Variants in SLC9A9 observed in about 807,000 individuals in gnomAD.
SLC9A9 encodes the protein sodium/hydrogen exchanger 9.
SLC9A9 carries 62 observed loss-of-function variants against 77.8 expected under a neutral mutation model. The ratio of observed to expected loss-of-function variants is 0.80; its 90% CI spans 0.65 to 0.98. SLC9A9 has a LOEUF of 0.98. Ranked by LOEUF, SLC9A9 falls within the 50% of genes least tolerant of loss-of-function variation. The pLI, the probability that SLC9A9 is intolerant of heterozygous loss-of-function variation, is 0.00. For synonymous variants in SLC9A9, 320 were observed against 283.5 expected (o/e 1.13, Z -1.29); for missense variants, 775 against 774.9 (o/e 1.00, Z 0.00).
intron 6 of SLC9A9, among the ~76,000 whole-genome samples, chr3:143,601,187 C>T (rs1423340880): frequency 6.6e-6 from 1 of 152,082 alleles, no homozygotes; most frequent in Non-Finnish European, 1.5e-5. Context: ...CTGAGTACCT[C>T]CTGACAGCCT....
chr3:143,791,203 C>T (rs182906254), intron 4 of SLC9A9, among the ~76,000 whole-genome samples: 27 of 152,270 alleles, frequency 1.8e-4, no homozygotes, highest in African/African-American at 5.3e-4. Flanking sequence ...GAATTCTTTC[C>T]GAGCAATCTA....
chr3:143,572,325 G>GCA (rs2037276224), intron 8 of SLC9A9, among the ~76,000 whole-genome samples: 2 of 151,786 alleles, frequency 1.3e-5, no homozygotes, highest in African/African-American at 4.8e-5. Flanking sequence ...GTGTGTGTGC[G>GCA]CGTGTGTTTA....
chr3:143,522,507 C>G (rs1476503201), intron 9 of SLC9A9, among the ~76,000 whole-genome samples: 3 of 152,076 alleles, frequency 2.0e-5, no homozygotes, highest in Non-Finnish European at 4.4e-5. Flanking sequence ...TCCATTGATT[C>G]TAGAAACTGT....
chr3:143,401,285 C>T (rs1309668429), intron 12 of SLC9A9, among the ~76,000 whole-genome samples: 1 of 152,186 alleles, frequency 6.6e-6, no homozygotes, highest in African/African-American at 2.4e-5. Flanking sequence ...CCCAGCTACC[C>T]TCTCTGGGTT....
intron 4 of SLC9A9, among the ~76,000 whole-genome samples, chr3:143,778,854 T>C (rs922628271): frequency 6.6e-6 from 1 of 152,184 alleles, no homozygotes; most frequent in Admixed American, 6.5e-5. Context: ...AAAAGTATAA[T>C]TTGGGCTGCA....
At chr3:143,641,941 T>C (rs773116793) in intron 6 of SLC9A9, among the ~76,000 whole-genome samples, 27 of 152,226 alleles carry the variant, frequency 1.8e-4, no homozygotes, top group Non-Finnish European at 3.2e-4. Context: ...ACTATTATTG[T>C]CATAGTCATG....
At chr3:143,317,432 G>A (rs995243661) in intron 14 of SLC9A9, among the ~76,000 whole-genome samples, 5 of 152,154 alleles carry the variant, frequency 3.3e-5, no homozygotes, top group African/African-American at 7.2e-5. Context: ...ATGTCTCAGT[G>A]TTACTGAGAT....
chr3:143,748,139 A>G (rs1350174315), intron 4 of SLC9A9, among the ~76,000 whole-genome samples: 2 of 152,224 alleles, frequency 1.3e-5, no homozygotes, highest in African/African-American at 2.4e-5. Flanking sequence ...CTTGATCATT[A>G]TGAACACATA....
intron 1 of SLC9A9, among the ~76,000 whole-genome samples, chr3:143,838,456 A>C (rs1347837216): frequency 6.6e-6 from 1 of 152,130 alleles, no homozygotes; most frequent in Non-Finnish European, 1.5e-5. Flanking sequence ...CTCGAGGAAG[A>C]ATCGAGCGAG....
intron 12 of SLC9A9, among the ~76,000 whole-genome samples, chr3:143,410,427 T>C (rs2034070696): frequency 6.6e-6 from 1 of 152,208 alleles, no homozygotes; most frequent in South Asian, 2.1e-4. Flanking sequence ...CATTCTCTCA[T>C]ATATTAATAA....
intron 5 of SLC9A9, among the ~76,000 whole-genome samples, chr3:143,680,559 TGTAA>T (rs1933054189): frequency 6.6e-6 from 1 of 152,190 alleles, no homozygotes; most frequent in Admixed American, 6.5e-5. Context: ...ATCAAATAGT[TGTAA>T]GTTTTATAGA....
intron 1 of SLC9A9, among the ~76,000 whole-genome samples, chr3:143,843,521 C>T (rs73869042): frequency 0.044 from 6,736 of 152,184 alleles, 479 homozygotes; most frequent in African/African-American, 0.15. Flanking sequence ...AAAATGTAAA[C>T]TTAGTGCCTT....
intron 3 of SLC9A9, among the ~76,000 whole-genome samples, chr3:143,795,895 C>T (rs1347770700): frequency 6.6e-6 from 1 of 152,158 alleles, no homozygotes. Context: ...AACCCCATTC[C>T]AGTTTTTTGA....
At position 143,848,455 on chromosome 3, in the gene SLC9A9, T is replaced by G. The variant is rs1020883942; in HGVS notation, c.-133A>C. ...CACTTTAGTTGCTACTTCACAAGCA[T>G]TCTGCCCTGGCTTAGTATTCAGATG... On this transcript the variant is annotated 5_prime_UTR_variant, in exon 1 of 16. It removes an upstream start codon present in the reference 5' UTR. Coordinates refer to ENST00000316549, the MANE Select transcript of SLC9A9 (RefSeq NM_173653.4). 1 of 1,160,316 alleles carries G rather than the reference T, an allele frequency of 8.6e-7. No homozygotes were observed. The highest frequency in any genetic ancestry group is 1.3e-6 in the Non-Finnish European group (1 of 788,930). 71.9% of individuals were successfully genotyped at this position (1,160,316 alleles called of 1,614,324 possible).
At chr3:143,801,599 C>A (rs1307316563) in intron 2 of SLC9A9, among the ~76,000 whole-genome samples, 1 of 152,156 alleles carries the variant, frequency 6.6e-6, no homozygotes, top group Non-Finnish European at 1.5e-5. Flanking sequence ...ACCCCATTTC[C>A]CCATGTTTCC....
At chr3:143,636,078 A>G (rs898594603) in intron 6 of SLC9A9, among the ~76,000 whole-genome samples, 2 of 152,184 alleles carry the variant, frequency 1.3e-5, no homozygotes, top group Non-Finnish European at 2.9e-5. Flanking sequence ...GTGAGTTTAC[A>G]TTGAAGATAT....
At chr3:143,821,176 A>G (rs958061473) in intron 2 of SLC9A9, among the ~76,000 whole-genome samples, 4 of 152,350 alleles carry the variant, frequency 2.6e-5, no homozygotes, top group Admixed American at 6.5e-5. Context: ...ACCACTTTAA[A>G]TGGTACAATA....
intron 12 of SLC9A9, among the ~76,000 whole-genome samples, chr3:143,410,859 A>G (rs2034083082): frequency 6.6e-6 from 1 of 152,166 alleles, no homozygotes; most frequent in African/African-American, 2.4e-5. Context: ...TACTGACTAG[A>G]TAACATTAAA....
chr3:143,343,919 G>A (rs1333675905), intron 14 of SLC9A9, among the ~76,000 whole-genome samples: 1 of 152,150 alleles, frequency 6.6e-6, no homozygotes, highest in African/African-American at 2.4e-5. Context: ...GGCTGAAATA[G>A]TGGTTTACCT....
Sources: gnomAD v4.1 joint callset for allele counts (sites outside exome capture counted in the v4.1 genomes callset) on GRCh38, gnomAD v4.1.1 for gene constraint, MANE v1.5 for transcripts, NCBI Gene and HGNC (gene_info 2026-07-23, HGNC 2026-07-21) for gene names.